Variants in ESRRG observed in about 807,000 individuals in gnomAD.
ESRRG encodes estrogen-related receptor gamma.
ESRRG carries 13 observed loss-of-function variants against 44.0 expected under a neutral mutation model. That is an observed-to-expected ratio of 0.30 (90% CI 0.19 to 0.47). The LOEUF is 0.47. Ranked by LOEUF, ESRRG falls within the 20% of genes least tolerant of loss-of-function variation. ESRRG has a pLI of 1.00. For synonymous variants in ESRRG, 215 were observed against 214.6 expected, an observed-to-expected ratio of 1.00 and a Z score of -0.02; for missense variants, 395 against 580.6, an observed-to-expected ratio of 0.68 and a Z score of 3.29.
rs572853822 is a variant in ESRRG at position 216,640,170 on chromosome 1, C to A, written c.589+10803G>T. On this transcript the variant is annotated intron_variant, in intron 3 of 6. Coordinates refer to ENST00000408911, the MANE Select transcript of ESRRG (RefSeq NM_001438.4). ...CAGGTCCTGATATTTGTTCTAGTAG[C>A]CACAAAGCCGCACTGGCTCTCAAAA... Among the ~76,000 whole-genome samples the A allele has an allele frequency of 2.6e-5, 4 of 152,174 alleles. No individual in the cohort carries two copies. In the South Asian group the frequency reaches 8.3e-4, roughly 32 times the overall value.
chr1:216,845,131 G>A (rs1226322579), intron 2 of ESRRG, among the ~76,000 whole-genome samples: 1 of 152,042 alleles, frequency 6.6e-6, no homozygotes, highest in Non-Finnish European at 1.5e-5. Flanking sequence ...ACGTACATAT[G>A]TTTGTATGTT....
chr1:217,049,073 G>A (rs11585774), intron 1 of ESRRG, among the ~76,000 whole-genome samples: 23,559 of 151,966 alleles, frequency 0.16, 2,375 homozygotes, highest in East Asian at 0.21. Context: ...GGTCATCATG[G>A]TCTCCTCAGT....
Position 217,008,099 on chromosome 1 carries a change from A to G in ESRRG, c.-105-68426T>C, listed in dbSNP as rs563667451. 7.2e-5 allele frequency among the ~76,000 whole-genome samples: 11 copies of G among 152,312 alleles called. No individual in the cohort carries two copies. The East Asian group carries it at 2.1e-3, about 29-fold the overall frequency. On this transcript the variant is annotated intron_variant, in intron 1 of 7. Coordinates refer to the ESRRG transcript ENST00000359162. ...GATAAACCAACAGCTACAACAACAG[A>G]AACTTTAAACCCAGTGCAGCAGACA...
At chr1:217,096,620 A>G (rs1368792194) in intron 1 of ESRRG, among the ~76,000 whole-genome samples, 1 of 107,482 alleles carries the variant, frequency 9.3e-6, no homozygotes. Context: ...ACCCAATCAC[A>G]TGTTTAAAAA....
intron 5 of ESRRG, among the ~76,000 whole-genome samples, chr1:216,554,238 G>T (rs530022700): frequency 6.6e-6 from 1 of 152,174 alleles, no homozygotes; most frequent in South Asian, 2.1e-4. Context: ...TGGATCATCT[G>T]AAGTCAGGAG....
intron 2 of ESRRG, among the ~76,000 whole-genome samples, chr1:216,651,575 T>C (rs550602235): frequency 1.8e-4 from 27 of 152,176 alleles, no homozygotes; most frequent in Non-Finnish European, 3.2e-4. Flanking sequence ...TGGCATGTTA[T>C]AGTAAGCTCC....
At chr1:216,938,836 G>A (rs1335752510) in intron 2 of ESRRG, among the ~76,000 whole-genome samples, 1 of 152,120 alleles carries the variant, frequency 6.6e-6, no homozygotes, top group Non-Finnish European at 1.5e-5. Flanking sequence ...TATGATGAAT[G>A]CACAGACACT....
chr1:216,919,557 C>T (rs1009337242), intron 2 of ESRRG, among the ~76,000 whole-genome samples: 1 of 152,226 alleles, frequency 6.6e-6, no homozygotes, highest in South Asian at 2.1e-4. Flanking sequence ...TCTTCAATAA[C>T]GCATTAAAAC....
At chr1:216,604,833 T>C (rs1053491174) in intron 3 of ESRRG, among the ~76,000 whole-genome samples, 1 of 152,206 alleles carries the variant, frequency 6.6e-6, no homozygotes, top group Non-Finnish European at 1.5e-5. Flanking sequence ...ATTCTTGACC[T>C]TTTTAACTTA....
At chr1:216,618,973 C>A in intron 3 of ESRRG, among the ~76,000 whole-genome samples, 1 of 152,320 alleles carries the variant, frequency 6.6e-6, no homozygotes, top group East Asian at 1.9e-4. Flanking sequence ...CCACTAGAAC[C>A]CTGTAGGCTT....
intron 1 of ESRRG, among the ~76,000 whole-genome samples, chr1:216,961,608 C>T (rs553792236): frequency 6.8e-6 from 1 of 147,256 alleles, no homozygotes; most frequent in African/African-American, 2.6e-5. Flanking sequence ...TGGAAGGGTA[C>T]CTGGTACTTG....
intron 2 of ESRRG, among the ~76,000 whole-genome samples, chr1:216,847,674 C>T (rs1445947595): frequency 6.6e-6 from 1 of 152,036 alleles, no homozygotes; most frequent in South Asian, 2.1e-4. Context: ...CTGGGCATGT[C>T]CAGGTCTGTG....
chr1:216,752,881 G>T (rs373897747), intron 2 of ESRRG, among the ~76,000 whole-genome samples: 4 of 151,968 alleles, frequency 2.6e-5, no homozygotes, highest in South Asian at 2.1e-4. Flanking sequence ...GGACTGTTGG[G>T]AGAATTAAAA....
intron 1 of ESRRG, among the ~76,000 whole-genome samples, chr1:216,696,648 C>G (rs2151809741): frequency 6.6e-6 from 1 of 152,212 alleles, no homozygotes; most frequent in African/African-American, 2.4e-5. Context: ...CATAGTTACT[C>G]CCTAATTGGT....
chr1:216,778,065 T>C (rs547291384), intron 2 of ESRRG, among the ~76,000 whole-genome samples: 2 of 152,178 alleles, frequency 1.3e-5, no homozygotes, highest in South Asian at 2.1e-4. Flanking sequence ...CTCGGATCAA[T>C]AGAAATTATA....
At chr1:217,118,149 C>A (rs760022070) in intron 1 of ESRRG, among the ~76,000 whole-genome samples, 1 of 152,208 alleles carries the variant, frequency 6.6e-6, no homozygotes, top group Non-Finnish European at 1.5e-5. Context: ...CCCCTTCATC[C>A]ATGTGGGGAA....
intron 1 of ESRRG, among the ~76,000 whole-genome samples, chr1:217,113,482 T>C (rs1454141003): frequency 6.6e-6 from 1 of 152,174 alleles, no homozygotes; most frequent in East Asian, 1.9e-4. Context: ...AGAAATCATT[T>C]TCAAGGAACT....
chr1:216,913,281 T>C lies in ESRRG; in HGVS notation c.-14+26301A>G, dbSNP rs1011267382. 4.0e-5 allele frequency among the ~76,000 whole-genome samples: 6 copies of C among 151,792 alleles called. 1 individual carries two copies. Among genetic ancestry groups the C allele is most frequent in the Non-Finnish European group, 8.8e-5 (6 of 68,004 alleles). On this transcript the variant is annotated intron_variant, in intron 2 of 7. Coordinates refer to the ESRRG transcript ENST00000359162. ...CATAGTTTTACATTATATTGAGAAA[T>C]CTAGAGACGATTTAAAGTATATGGG... is the stretch of plus-strand genomic sequence containing the variant.
At chr1:216,774,380 C>T (rs1403211527) in intron 2 of ESRRG, among the ~76,000 whole-genome samples, 2 of 152,124 alleles carry the variant, frequency 1.3e-5, no homozygotes, top group East Asian at 1.9e-4. Context: ...AAGCACATGA[C>T]GTTCCATTAC....
Sources: allele counts gnomAD v4.1 joint callset (sites outside exome capture counted in the v4.1 genomes callset), GRCh38; gene constraint gnomAD v4.1.1; transcripts MANE v1.5; gene names NCBI Gene and HGNC (gene_info 2026-07-23, HGNC 2026-07-21).